The following MTMR4 variants were observed in gnomAD, a reference collection of about 807,000 sequenced individuals.
MTMR4 encodes the protein phosphatidylinositol-3,5-bisphosphate 3-phosphatase MTMR4.
A neutral mutation model predicts 125.5 loss-of-function variants in MTMR4; 30 were observed. That is an observed-to-expected ratio of 0.24 (90% CI 0.18 to 0.32). The LOEUF (loss-of-function observed/expected upper bound fraction) is 0.32. Among genes scored for constraint, MTMR4 ranks in the 10% least tolerant of loss-of-function variants. The pLI, the probability that MTMR4 is intolerant of heterozygous loss-of-function variation, is 1.00. For synonymous variants in MTMR4, 498 were observed against 564.5 expected (o/e 0.88, Z 1.67); for missense variants, 1,039 against 1,511.5 (o/e 0.69, Z 5.18).
In MTMR4 at chr17:58,491,735, G is replaced by T; in HGVS notation, c.3558C>A (p.His1186Gln). The T allele has an allele frequency of 1.9e-6, 3 of 1,614,134 alleles. No homozygotes were observed. Among genetic ancestry groups the T allele is most frequent in the South Asian group, 1.1e-5 (1 of 91,080 alleles). ...GTTCCCTGGCACGAGAGACTTGAAT[G>T]TGTTCGTAACATGAGTTACAGACGA... ...PVLVCNSCYEHIQVSRARELM... is the reference protein window; with the variant it reads ...PVLVCNSCYEQIQVSRARELM... The change falls in exon 18 of 18, where the codon CAC becomes CAA. Residue 1186 changes from histidine (H) to glutamine (Q), a missense_variant. By Grantham distance (24) the His-to-Gln change is conservative (BLOSUM62 0). Coordinates refer to ENST00000682306, the MANE Select transcript of MTMR4 (RefSeq NM_001378067.1).
chr17:58,496,419 C>G, intron 14 of MTMR4, 89 bp from the exon 15 acceptor site: 1 of 1,107,762 alleles, frequency 9.0e-7, no homozygotes, highest in Non-Finnish European at 1.3e-6. Flanking sequence ...AATATCAAAG[C>G]CAGAGTTTAG....
rs747232493 is a variant in MTMR4, at chr17:58,505,483, C to T, written c.1134G>A (p.Pro378=). Residue 378 remains proline, a synonymous_variant, in exon 10 of 18, where the codon CCG becomes CCA. Coordinates refer to ENST00000682306, the MANE Select transcript of MTMR4 (RefSeq NM_001378067.1). ...QYLRAVCSQM[P]DPSNWLSALE... ...TAGGGAACACCTACTTGCTAGGATC[C>T]GGCATCTGGCTACACACAGCCCGGA... The T allele has an allele frequency of 2.5e-5, 41 of 1,611,756 alleles. 1 individual carries two copies. The South Asian group carries it at 3.1e-4, about 12-fold the overall frequency.
In MTMR4 at chr17:58,512,364, G is replaced by A. The variant is rs779375472; in HGVS notation, c.252+26C>T. On this transcript the variant is annotated intron_variant, in intron 3 of 17. Coordinates refer to ENST00000682306, the MANE Select transcript of MTMR4 (RefSeq NM_001378067.1). The surrounding 1 kb of genome is among the most constrained non-coding windows in gnomAD (Gnocchi z 4.1). ...AACTTCATAGGGATTCTAGCTTAGG[G>A]GTAGGAGAACAATACAGAAACTCAC... The A allele has an allele frequency of 1.3e-6, 2 of 1,531,324 alleles. No homozygotes were observed. Among genetic ancestry groups the A allele is most frequent in the African/African-American group, 2.7e-5 (2 of 73,352 alleles). The allele number at this position is 1,531,324 out of a possible 1,614,324, so 94.9% of individuals were successfully genotyped here. A position where few individuals can be genotyped will look rare whatever the true frequency, so the allele number is the denominator to read the frequency against.
upstream of MTMR4, chr17:58,514,648 A>C (rs1976036061): frequency 3.0e-6 from 3 of 984,996 alleles, no homozygotes; most frequent in Non-Finnish European, 3.6e-6. Context: ...GAGCCAGGCG[A>C]GGGGAGAGCC....
chr17:58,492,769 G>A, intron 16 of MTMR4, 73 bp downstream of exon 16: 1 of 1,433,088 alleles, frequency 7.0e-7, no homozygotes, highest in South Asian at 1.1e-5. Flanking sequence ...TCTACAGCAT[G>A]TCATTCATCT....
At chr17:58,511,844 A>C (rs1975939518) in intron 3 of MTMR4, among the ~76,000 whole-genome samples, 1 of 152,168 alleles carries the variant, frequency 6.6e-6, no homozygotes, top group South Asian at 2.1e-4. Flanking sequence ...TTCTTCCAAC[A>C]ATGCCACTGT....
rs371543773 is a variant in MTMR4 at position 58,505,484 on chromosome 17, G to A, written c.1133C>T (p.Pro378Leu). 4 of 1,611,980 alleles carry A rather than the reference G, an allele frequency of 2.5e-6. No homozygotes were observed. The African/African-American group carries it at 4.0e-5, about 16-fold the overall frequency. ...AGGGAACACCTACTTGCTAGGATCCGGCATCTGGCTACACACAGCCCGGAG... is the reference window on the plus strand; with the variant it reads ...AGGGAACACCTACTTGCTAGGATCCAGCATCTGGCTACACACAGCCCGGAG... ...QYLRAVCSQMPDPSNWLSALE... is the reference protein window; with the variant it reads ...QYLRAVCSQMLDPSNWLSALE... The change falls in exon 10 of 18, where the codon CCG becomes CTG. Residue 378 changes from proline to leucine, a missense_variant. Pro to Leu is a moderately conservative substitution (Grantham distance 98, BLOSUM62 -3). Transcript: ENST00000682306.
chr17:58,493,490 C>T (rs921720240), intron 15 of MTMR4, among the ~76,000 whole-genome samples: 13 of 152,204 alleles, frequency 8.5e-5, no homozygotes, highest in African/African-American at 2.4e-4. Flanking sequence ...GTAGTTGGGA[C>T]CACAGGCGTC....
At chr17:58,494,846 A>G in intron 15 of MTMR4, 86 bp downstream of exon 15, 1 of 1,288,752 alleles carries the variant, frequency 7.8e-7, no homozygotes, top group Admixed American at 2.1e-5. Flanking sequence ...GGCACACAGC[A>G]AGTACCCAAC....
chr17:58,498,366 G>A (rs537589603), intron 14 of MTMR4, among the ~76,000 whole-genome samples: 3 of 151,852 alleles, frequency 2.0e-5, no homozygotes, highest in South Asian at 2.1e-4. Context: ...TGTTGACAGA[G>A]ATAATAATAC....
At chr17:58,511,573 C>A in intron 3 of MTMR4, 62 bp from the exon 4 acceptor site, 1 of 1,388,962 alleles carries the variant, frequency 7.2e-7, no homozygotes, top group South Asian at 1.2e-5. Flanking sequence ...TCACCCTCAC[C>A]CTAGCGTAGG....
At chr17:58,506,285 C>T (rs144261935) in intron 9 of MTMR4, among the ~76,000 whole-genome samples, 159 of 152,298 alleles carry the variant, frequency 1.0e-3, no homozygotes, top group African/African-American at 3.5e-3. Flanking sequence ...CAGATGCAAG[C>T]GATTCTCATG....
chr17:58,512,733 C>T lies in MTMR4; in HGVS notation c.135+119G>A. 1 of 923,810 alleles carries T rather than the reference C, an allele frequency of 1.1e-6. No individual in the cohort carries two copies. The allele number at this position is 923,810 out of a possible 1,614,324, so 57.2% of individuals were successfully genotyped here. A position where few individuals can be genotyped will look rare whatever the true frequency, so the allele number is the denominator to read the frequency against. On this transcript the variant is annotated intron_variant, in intron 2 of 17. Transcript: ENST00000682306. The surrounding 1 kb of genome is among the most constrained non-coding windows in gnomAD (Gnocchi z 4.1). ...AGACAAACCCTCCTCCTCCAGAGAC[C>T]AGGGAACATGAAGCCAGAGCTCTGG...
intron 16 of MTMR4, 71 bp downstream of exon 16, chr17:58,492,771 C>G: frequency 6.9e-7 from 1 of 1,444,818 alleles, no homozygotes; most frequent in South Asian, 1.1e-5. Flanking sequence ...TACAGCATGT[C>G]ATTCATCTCT....
chr17:58,493,031 A>AGCAC, intron 15 of MTMR4, 79 bp from the exon 16 acceptor site: 1 of 1,095,676 alleles, frequency 9.1e-7, no homozygotes, highest in Non-Finnish European at 1.4e-6. Flanking sequence ...GCACTGTGCT[A>AGCAC]AGTGCATTAC....
Position 58,493,384 on chromosome 17 carries a change from G to A in MTMR4, c.3253-432C>T, listed in dbSNP as rs575305078. On this transcript the variant is annotated intron_variant, in intron 15 of 17. Transcript: ENST00000682306. ...TGTTTTGTTTTTGAGACAAGGTCTC[G>A]CTCTTTTGCCCAGGCTGGAATGCAG... Among the ~76,000 whole-genome samples, 8 of 152,316 alleles carry A rather than the reference G, an allele frequency of 5.3e-5. No homozygotes were observed. The East Asian group carries it at 1.5e-3, about 29-fold the overall frequency.
rs766376991 is a variant in MTMR4 at position 58,508,690 on chromosome 17, A to G, written c.487T>C (p.Cys163Arg). 22 of 1,614,076 alleles carry G rather than the reference A, an allele frequency of 1.4e-5. No homozygotes were observed. The highest frequency in any genetic ancestry group is 1.8e-5 in the Non-Finnish European group (21 of 1,180,016). ...LTEEDQHTHL[C>R]QPGEHIRCRQ... is the part of the protein sequence containing the mutation. ...AATAGACTGGCCTCACCTGGCTGACATAGGTGAGTGTGCTGGTCCTCCTCG... is the reference window on the plus strand; with the variant it reads ...AATAGACTGGCCTCACCTGGCTGACGTAGGTGAGTGTGCTGGTCCTCCTCG... Residue 163 changes from cysteine (C) to arginine (R), a missense_variant, in exon 5 of 18, where the codon TGT becomes CGT. Around this residue, in one of 6 missense-constraint regions of MTMR4, gnomAD observed 202 missense variants for 311.9 expected, o/e 0.65. Coordinates refer to ENST00000682306, the MANE Select transcript of MTMR4 (RefSeq NM_001378067.1). This position sits in a 1 kb window ranked among gnomAD's most constrained non-coding sequence, Gnocchi z 4.8.
rs1352998256 is a variant in MTMR4, at chr17:58,514,554, G to A, written c.-147C>T. The A allele has an allele frequency of 2.0e-6, 2 of 984,976 alleles. No homozygotes were observed. The highest frequency in any genetic ancestry group is 2.4e-6 in the Non-Finnish European group (2 of 829,874). 61.0% of individuals were successfully genotyped at this position (984,976 alleles called of 1,614,324 possible). A position where few individuals can be genotyped will look rare whatever the true frequency, so the allele number is the denominator to read the frequency against. ...CTAGGGCGCTGGTGGCCGGGCCTCC[G>A]CGCGGCTCCCGCGCGCCTCTCCCCT... On this transcript the variant is annotated 5_prime_UTR_variant, in exon 1 of 18. Coordinates refer to ENST00000682306, the MANE Select transcript of MTMR4 (RefSeq NM_001378067.1).
chr17:58,495,232 T>C lies in MTMR4; in HGVS notation c.2952A>G (p.Gly984=), dbSNP rs1198739884. The C allele has an allele frequency of 3.7e-6, 6 of 1,614,196 alleles. 1 individual carries two copies. In the East Asian group the frequency reaches 1.1e-4, roughly 30 times the overall value. The change falls in exon 15 of 18, where the codon GGA becomes GGG. Residue 984 remains glycine, a synonymous_variant. Coordinates refer to ENST00000682306, the MANE Select transcript of MTMR4 (RefSeq NM_001378067.1). The part of the protein sequence containing the change: ...KSPVCSSHSN[G]HCTGPGGKNQ... ...TCTTTCCTCCTGGGCCAGTACAATG[T>C]CCATTGGAATGACTAGAACAGACAG... is the stretch of plus-strand genomic sequence containing the variant.
Sources: gnomAD v4.1 joint callset for allele counts (sites outside exome capture counted in the v4.1 genomes callset) on GRCh38, gnomAD v4.1.1 for gene constraint, gnomAD v4.1.1 regional missense constraint, Gnocchi (gnomAD v3.1) non-coding constraint, MANE v1.5 for transcripts, NCBI Gene and HGNC (gene_info 2026-07-23, HGNC 2026-07-21) for gene names.